Variants in COL24A1 observed in about 807,000 individuals in gnomAD.
COL24A1 encodes the protein collagen type XXIV alpha 1 chain.
In COL24A1, 224 loss-of-function variants were observed where a neutral mutation model predicts 253.9. The ratio of observed to expected loss-of-function variants is 0.88; its 90% CI spans 0.79 to 0.99. The LOEUF (loss-of-function observed/expected upper bound fraction) is 0.99, where lower values mean the gene tolerates loss of function less well. Among genes scored for constraint, COL24A1 ranks in the 50% least tolerant of loss-of-function variants. The pLI is 0.00. For synonymous variants in COL24A1, 685 were observed against 673.7 expected, an observed-to-expected ratio of 1.02 and a Z score of -0.26; for missense variants, 2,131 against 2,068.5, an observed-to-expected ratio of 1.03 and a Z score of -0.59.
intron 47 of COL24A1, among the ~76,000 whole-genome samples, chr1:85,798,200 T>TGA (rs1671027895): frequency 3.6e-5 from 5 of 139,024 alleles, no homozygotes. Context: ...CTGTCTCTAT[T>TGA]AAAAAAAAAA....
chr1:85,905,538 C>T (rs576835094), intron 28 of COL24A1, among the ~76,000 whole-genome samples: 1 of 151,734 alleles, frequency 6.6e-6, no homozygotes, highest in Non-Finnish European at 1.5e-5. Context: ...TCTCTCTCTC[C>T]CTCTTTTAAA....
At position 85,763,908 on chromosome 1, in the gene COL24A1, A is replaced by T. The variant is rs576567256; in HGVS notation, c.4375-2342T>A. ...CAAGATTCTCTTTTCACTTTATCCC[A>T]GAATTTACATACGATCCTCCAAAAG... On this transcript the variant is annotated intron_variant, in intron 53 of 59. Transcript: ENST00000370571. Among the ~76,000 whole-genome samples, 8 of 152,320 alleles carry T rather than the reference A, an allele frequency of 5.3e-5. No homozygotes were observed. The South Asian group carries it at 1.7e-3, about 32-fold the overall frequency.
intron 2 of COL24A1, among the ~76,000 whole-genome samples, chr1:86,144,946 T>C (rs575385001): frequency 5.3e-5 from 8 of 152,146 alleles, no homozygotes; most frequent in Non-Finnish European, 1.2e-4. Context: ...TCTTCATGGC[T>C]ACTTCAAGCT....
intron 28 of COL24A1, among the ~76,000 whole-genome samples, chr1:85,899,073 GT>G (rs1295923530): frequency 2.0e-5 from 3 of 152,108 alleles, no homozygotes; most frequent in African/African-American, 4.8e-5. Context: ...AAGCATGAAG[GT>G]CCCTCAGGAA....
chr1:85,935,892 C>T (rs1688210807), intron 24 of COL24A1, among the ~76,000 whole-genome samples: 1 of 147,420 alleles, frequency 6.8e-6, no homozygotes, highest in African/African-American at 2.5e-5. Context: ...CTTATTAACC[C>T]TGCAATAAGC....
At chr1:85,964,288 A>G (rs1425524432) in intron 23 of COL24A1, among the ~76,000 whole-genome samples, 2 of 152,150 alleles carry the variant, frequency 1.3e-5, no homozygotes, top group African/African-American at 4.8e-5. Flanking sequence ...TTGGTGTTAT[A>G]AAAATTATCC....
At chr1:86,152,346 A>T (rs1652892336) in intron 1 of COL24A1, among the ~76,000 whole-genome samples, 1 of 152,198 alleles carries the variant, frequency 6.6e-6, no homozygotes, top group Non-Finnish European at 1.5e-5. Context: ...TTTACACCTG[A>T]CTTTATGGGT....
intron 59 of COL24A1, among the ~76,000 whole-genome samples, chr1:85,733,390 A>G (rs1663711068): frequency 6.6e-6 from 1 of 152,148 alleles, no homozygotes; most frequent in South Asian, 2.1e-4. Context: ...ATACTTACTC[A>G]ACTCTGCCAT....
chr1:86,095,749 A>G (rs1189065437), intron 5 of COL24A1, among the ~76,000 whole-genome samples: 2 of 152,090 alleles, frequency 1.3e-5, no homozygotes, highest in Admixed American at 6.6e-5. Context: ...TTACTTCTGC[A>G]TGACTTTTGT....
intron 22 of COL24A1, among the ~76,000 whole-genome samples, chr1:85,965,801 A>G (rs536928382): frequency 2.4e-4 from 36 of 152,292 alleles, no homozygotes; most frequent in African/African-American, 7.7e-4. Flanking sequence ...CAGGCACTAC[A>G]GCTAAAATGT....
chr1:85,938,265 T>C lies in COL24A1; in HGVS notation c.2562+22984A>G, dbSNP rs564831579. Among the ~76,000 whole-genome samples the C allele has an allele frequency of 2.0e-5, 3 of 147,312 alleles. 1 individual carries two copies. The Admixed American group carries it at 2.0e-4, about 10-fold the overall frequency. On this transcript the variant is annotated intron_variant, in intron 24 of 59. Transcript: ENST00000370571. ...CACTCTCAATGTCCCAGTGGAGGAC[T>C]CTGTGCTTTCCATTCCCACAAAATG...
intron 57 of COL24A1, among the ~76,000 whole-genome samples, chr1:85,740,438 C>T (rs1454994335): frequency 6.6e-6 from 1 of 151,822 alleles, no homozygotes; most frequent in Non-Finnish European, 1.5e-5. Flanking sequence ...TGTGCTTGTA[C>T]ACATATATTC....
At chr1:85,854,711 G>GTT (rs33970078) in intron 37 of COL24A1, among the ~76,000 whole-genome samples, 4,054 of 143,686 alleles carry the variant, frequency 0.028, 64 homozygotes, top group Non-Finnish European at 0.044. Flanking sequence ...CTAGGTTTTT[G>GTT]TTTTTTTTTT....
At chr1:85,808,126 C>T (rs1352793373) in intron 47 of COL24A1, among the ~76,000 whole-genome samples, 2 of 152,168 alleles carry the variant, frequency 1.3e-5, no homozygotes, top group African/African-American at 4.8e-5. Context: ...CTGTCCCCTC[C>T]TCACCAATAT....
chr1:85,998,117 C>T (rs1695029997), intron 19 of COL24A1, among the ~76,000 whole-genome samples: 2 of 152,162 alleles, frequency 1.3e-5, no homozygotes, highest in Admixed American at 6.5e-5. Context: ...CTGTCACTTG[C>T]AATGGAAAAA....
At chr1:85,832,202 G>A (rs1246586372) in intron 43 of COL24A1, among the ~76,000 whole-genome samples, 3 of 151,920 alleles carry the variant, frequency 2.0e-5, no homozygotes, top group Non-Finnish European at 4.4e-5. Context: ...CCCATTGCTC[G>A]TTTTTCTCAG....
chr1:86,017,252 A>G, intron 18 of COL24A1, 48 bp from the exon 19 acceptor site: 1 of 1,450,804 alleles, frequency 6.9e-7, no homozygotes, highest in African/African-American at 1.5e-5. Flanking sequence ...CTTAATAAAC[A>G]CAATTAAAAG....
intron 39 of COL24A1, among the ~76,000 whole-genome samples, chr1:85,847,211 A>T (rs1677229650): frequency 6.6e-6 from 1 of 152,196 alleles, no homozygotes. Context: ...TAGATGTTAG[A>T]TTTATCACAA....
At chr1:86,083,074 A>G (rs947144084) in intron 7 of COL24A1, among the ~76,000 whole-genome samples, 13 of 151,958 alleles carry the variant, frequency 8.6e-5, no homozygotes, top group Admixed American at 6.6e-5. Context: ...GAGGCGGGCG[A>G]ATCATGAGGT....
Sources: gnomAD v4.1 joint callset for allele counts (sites outside exome capture counted in the v4.1 genomes callset) on GRCh38, gnomAD v4.1.1 for gene constraint, MANE v1.5 for transcripts, NCBI Gene and HGNC (gene_info 2026-07-23, HGNC 2026-07-21) for gene names.